The following AGMO variants were observed in gnomAD, a reference collection of about 807,000 sequenced individuals.
The protein encoded by AGMO is glyceryl-ether monooxygenase.
AGMO carries 75 observed loss-of-function variants against 60.2 expected under a neutral mutation model. That is an observed-to-expected ratio of 1.25 (90% CI 1.03 to 1.51). AGMO has a LOEUF of 1.51. AGMO is among the 40% of genes most tolerant of loss of function. The probability of loss-of-function intolerance (pLI) is 0.00; values close to 1 mark genes in which losing one functional copy is unlikely to be tolerated. For synonymous variants in AGMO, 261 were observed against 177.1 expected, an observed-to-expected ratio of 1.47 and a Z score of -3.76; for missense variants, 763 against 525.5, an observed-to-expected ratio of 1.45 and a Z score of -4.42.
intron 12 of AGMO, among the ~76,000 whole-genome samples, chr7:15,344,546 A>C (rs1339346435): frequency 6.6e-6 from 1 of 152,012 alleles, no homozygotes; most frequent in African/African-American, 2.4e-5. Context: ...AAAAATACAA[A>C]AATTAGCCAG....
intron 12 of AGMO, among the ~76,000 whole-genome samples, chr7:15,296,726 ACCC>A (rs2128524150): frequency 6.6e-6 from 1 of 152,264 alleles, no homozygotes; most frequent in Non-Finnish European, 1.5e-5. Flanking sequence ...GTCCCTCTCT[ACCC>A]CAAACCACAA....
intron 2 of AGMO, among the ~76,000 whole-genome samples, chr7:15,559,404 A>G (rs904444341): frequency 6.6e-6 from 1 of 152,054 alleles, no homozygotes; most frequent in Non-Finnish European, 1.5e-5. Context: ...TGCCTAACAT[A>G]AGGTTGGAAA....
chr7:15,479,631 G>A (rs548839402), intron 3 of AGMO, among the ~76,000 whole-genome samples: 3 of 152,150 alleles, frequency 2.0e-5, no homozygotes, highest in Admixed American at 6.5e-5. Context: ...TAACATTTGC[G>A]AATGCAATTT....
intron 5 of AGMO, among the ~76,000 whole-genome samples, chr7:15,397,344 C>A (rs569003908): frequency 4.0e-5 from 6 of 151,766 alleles, no homozygotes; most frequent in Non-Finnish European, 8.8e-5. Flanking sequence ...CGAGCCGGCC[C>A]GCGAGCGCCT....
At chr7:15,290,630 G>C (rs749989134) in intron 12 of AGMO, among the ~76,000 whole-genome samples, 18 of 152,120 alleles carry the variant, frequency 1.2e-4, no homozygotes, top group Non-Finnish European at 2.5e-4. Flanking sequence ...TGGGCACCAG[G>C]CAGTTGGTTT....
intron 12 of AGMO, among the ~76,000 whole-genome samples, chr7:15,215,466 T>C (rs1234297345): frequency 6.6e-6 from 1 of 151,978 alleles, no homozygotes; most frequent in African/African-American, 2.4e-5. Flanking sequence ...CCCCATGAGT[T>C]TGGCGGCTGG....
the AGMO span, among the ~76,000 whole-genome samples, chr7:15,160,298 G>A: frequency 6.6e-6 from 1 of 152,104 alleles, no homozygotes. Context: ...CATTGGCAGA[G>A]ATTTCATTTA....
chr7:15,234,387 A>T (rs148977986), intron 12 of AGMO, among the ~76,000 whole-genome samples: 4 of 152,106 alleles, frequency 2.6e-5, no homozygotes, highest in Non-Finnish European at 5.9e-5. Flanking sequence ...AAGTCCAAAA[A>T]TATCTTGACT....
intron 10 of AGMO, among the ~76,000 whole-genome samples, chr7:15,378,683 C>T (rs889478153): frequency 1.3e-5 from 2 of 151,750 alleles, no homozygotes; most frequent in Non-Finnish European, 2.9e-5. Context: ...CAGCACTAGA[C>T]CAAATGGACC....
the AGMO span, among the ~76,000 whole-genome samples, chr7:15,184,277 A>G: frequency 6.3e-5 from 8 of 127,188 alleles, no homozygotes; most frequent in South Asian, 3.1e-4. Context: ...GGGAGGAAAG[A>G]AAAGGAAGGA....
chr7:15,520,947 G>A (rs1004599225), intron 3 of AGMO, among the ~76,000 whole-genome samples: 9 of 152,038 alleles, frequency 5.9e-5, no homozygotes, highest in African/African-American at 2.2e-4. Context: ...TAGACTGGTA[G>A]CCAGATTAAT....
At chr7:15,302,036 A>G (rs1780454042) in intron 12 of AGMO, among the ~76,000 whole-genome samples, 1 of 152,184 alleles carries the variant, frequency 6.6e-6, no homozygotes, top group Non-Finnish European at 1.5e-5. Flanking sequence ...TTAAGTGGAT[A>G]TAGTATAATG....
intron 3 of AGMO, among the ~76,000 whole-genome samples, chr7:15,449,157 T>TAGTAA (rs1422396696): frequency 1.3e-5 from 2 of 152,152 alleles, no homozygotes; most frequent in African/African-American, 2.4e-5. Flanking sequence ...CAATAAAAAA[T>TAGTAA]AGTAAACCAC....
At chr7:15,252,120 A>C (rs1348539327) in intron 12 of AGMO, among the ~76,000 whole-genome samples, 1 of 152,202 alleles carries the variant, frequency 6.6e-6, no homozygotes, top group Non-Finnish European at 1.5e-5. Flanking sequence ...TGCAGTGAGG[A>C]AAGGGGGTTT....
In AGMO at chr7:15,544,868, T is replaced by A. The variant is rs1357715163; in HGVS notation, c.313A>T (p.Arg105Trp). The change falls in exon 3 of 13, where the codon AGG (arginine) becomes TGG (tryptophan). Residue 105 changes from arginine (R) to tryptophan (W), a missense_variant. Physicochemically the swap from Arg to Trp is moderately radical, Grantham distance 101 (BLOSUM62 -3). Coordinates refer to ENST00000342526, the MANE Select transcript of AGMO (RefSeq NM_001004320.2). Reference protein sequence around the residue: ...TSYIYIWENYRLFNLPWDSPW... With the variant: ...TSYIYIWENYWLFNLPWDSPW... ...GAATCCCAAGGCAAATTGAACAGCCTGTAGTTCTCCCAGATATAAATATAA... is the reference window on the plus strand; with the variant it reads ...GAATCCCAAGGCAAATTGAACAGCCAGTAGTTCTCCCAGATATAAATATAA... 6.2e-7 allele frequency: 1 copy of A among 1,602,656 alleles called. No homozygotes were observed. Among genetic ancestry groups the A allele is most frequent in the Non-Finnish European group, 8.5e-7 (1 of 1,173,722 alleles).
At chr7:15,424,205 C>T (rs1050423759) in intron 4 of AGMO, among the ~76,000 whole-genome samples, 2 of 152,060 alleles carry the variant, frequency 1.3e-5, no homozygotes, top group African/African-American at 4.8e-5. Flanking sequence ...AATGGCTGTT[C>T]AGTTACATGA....
chr7:15,210,888 G>A (rs1351809234), intron 12 of AGMO, among the ~76,000 whole-genome samples: 1 of 151,962 alleles, frequency 6.6e-6, no homozygotes, highest in Non-Finnish European at 1.5e-5. Flanking sequence ...TATTTTTCAA[G>A]TTGTTTATGA....
intron 12 of AGMO, among the ~76,000 whole-genome samples, chr7:15,281,104 C>G (rs1783952403): frequency 2.6e-5 from 4 of 152,052 alleles, no homozygotes; most frequent in Admixed American, 2.6e-4. Flanking sequence ...TGGGAACACC[C>G]CATGGGACAA....
At chr7:15,229,626 A>G (rs977700817) in intron 12 of AGMO, among the ~76,000 whole-genome samples, 2 of 148,846 alleles carry the variant, frequency 1.3e-5, no homozygotes, top group Non-Finnish European at 3.0e-5. Flanking sequence ...ACCCATTTCA[A>G]GTTCAAATTA....
Sources: allele counts gnomAD v4.1 joint callset (sites outside exome capture counted in the v4.1 genomes callset), GRCh38; gene constraint gnomAD v4.1.1; transcripts MANE v1.5; gene names NCBI Gene and HGNC (gene_info 2026-07-23, HGNC 2026-07-21).